The following CNKSR3 variants were observed in gnomAD, a reference collection of about 807,000 sequenced individuals.
CNKSR3 encodes connector enhancer of kinase suppressor of ras 3.
Under a neutral mutation model 67.7 loss-of-function variants are expected in CNKSR3, and 36 were observed. The ratio of observed to expected loss-of-function variants is 0.53; its 90% CI spans 0.41 to 0.70. CNKSR3 has a LOEUF of 0.70. CNKSR3 is among the 30% of genes least tolerant of loss of function. The probability of loss-of-function intolerance (pLI) is 0.00; values close to 1 mark genes in which losing one functional copy is unlikely to be tolerated. For synonymous variants in CNKSR3, 281 were observed against 271.4 expected (o/e 1.04, Z -0.35); for missense variants, 630 against 695.2 (o/e 0.91, Z 1.05).
chr6:154,414,389 T>C lies in CNKSR3; in HGVS notation c.980A>G (p.Glu327Gly), dbSNP rs1369722295. 1 of 1,608,366 alleles carries C rather than the reference T, an allele frequency of 6.2e-7. No individual in the cohort carries two copies. Among genetic ancestry groups the C allele is most frequent in the Non-Finnish European group, 8.5e-7 (1 of 1,178,262 alleles). The change falls in exon 10 of 13, where the codon GAA (glutamate) becomes GGA (glycine). Residue 327 changes from glutamate (E) to glycine (G), a missense_variant. Glu to Gly is a moderately conservative substitution (Grantham distance 98, BLOSUM62 -2). Coordinates refer to ENST00000607772, the MANE Select transcript of CNKSR3 (RefSeq NM_173515.4). ...SPPPATTQSP[E>G]STMDTSLKKE... The stretch of plus-strand genomic sequence containing the variant: ...CTTCAGTGAGGTATCCATAGTGCTT[T>C]CAGGGGACTGGGTTGTCGCGGGTGG...
At chr6:154,483,849 G>A (rs1298164629) in intron 1 of CNKSR3, among the ~76,000 whole-genome samples, 6 of 152,168 alleles carry the variant, frequency 3.9e-5, no homozygotes, top group Non-Finnish European at 5.9e-5. Context: ...CTCCTCACCA[G>A]TGGATCCTCC....
chr6:154,509,164 T>C (rs539854973), intron 1 of CNKSR3, among the ~76,000 whole-genome samples: 101 of 152,250 alleles, frequency 6.6e-4, no homozygotes, highest in African/African-American at 2.3e-3. Flanking sequence ...ATACAGATTG[T>C]TCTTGGTGGA....
At chr6:154,420,077 C>T (rs1352089083) in intron 9 of CNKSR3, among the ~76,000 whole-genome samples, 2 of 151,808 alleles carry the variant, frequency 1.3e-5, no homozygotes, top group Non-Finnish European at 2.9e-5. Context: ...AGTGAAACTC[C>T]GTCTCAAACC....
intron 10 of CNKSR3, among the ~76,000 whole-genome samples, 200 bp from the exon 11 acceptor site, chr6:154,411,342 G>A (rs1386584133): frequency 6.6e-6 from 1 of 152,070 alleles, no homozygotes; most frequent in Non-Finnish European, 1.5e-5. Flanking sequence ...ATACCATGAC[G>A]TGATGAAATA....
rs1223305870 is a variant in CNKSR3, at chr6:154,500,746, C to T, written c.52+9317G>A. 2.0e-5 allele frequency among the ~76,000 whole-genome samples: 3 copies of T among 152,198 alleles called. No individual in the cohort carries two copies. In the South Asian group the frequency reaches 6.2e-4, roughly 31 times the overall value. On this transcript the variant is annotated intron_variant, in intron 1 of 12. Coordinates refer to ENST00000607772, the MANE Select transcript of CNKSR3 (RefSeq NM_173515.4). ...TAAGTCAGATACACCAGTTTCTTTA[C>T]TCAAATACTTTAAAAGTTTTCACAT...
chr6:154,483,592 T>G (rs1361866882), intron 1 of CNKSR3, among the ~76,000 whole-genome samples: 1 of 152,180 alleles, frequency 6.6e-6, no homozygotes, highest in African/African-American at 2.4e-5. Context: ...CTTTACTGCT[T>G]TTTGTGGAGC....
chr6:154,502,318 A>G (rs1215825780), intron 1 of CNKSR3, among the ~76,000 whole-genome samples: 2 of 150,350 alleles, frequency 1.3e-5, no homozygotes, highest in Admixed American at 1.3e-4. Flanking sequence ...CAGTCTCCTG[A>G]GTAGCTGGGA....
intron 1 of CNKSR3, among the ~76,000 whole-genome samples, chr6:154,494,481 T>C (rs376352923): frequency 1.4e-4 from 21 of 152,258 alleles, no homozygotes; most frequent in African/African-American, 4.6e-4. Context: ...CATGAGAAAT[T>C]AGCAAGTTTT....
intron 1 of CNKSR3, among the ~76,000 whole-genome samples, chr6:154,466,354 G>A (rs1786198488): frequency 6.6e-6 from 1 of 152,146 alleles, no homozygotes; most frequent in Non-Finnish European, 1.5e-5. Flanking sequence ...GTACGGACTT[G>A]TGTTTCACCA....
intron 5 of CNKSR3, among the ~76,000 whole-genome samples, chr6:154,432,234 T>C (rs1484283488): frequency 6.6e-6 from 1 of 152,234 alleles, no homozygotes; most frequent in Non-Finnish European, 1.5e-5. Context: ...ATTGTTGTTT[T>C]AATTTACAAT....
Position 154,433,360 on chromosome 6 carries a change from T to C in CNKSR3, c.549+106A>G, listed in dbSNP as rs972515153. 2.1e-5 allele frequency: 16 copies of C among 778,862 alleles called. No individual in the cohort carries two copies. The East Asian group carries it at 2.2e-4, about 11-fold the overall frequency. The allele number at this position is 778,862 out of a possible 1,614,324, so 48.2% of individuals were successfully genotyped here. A position where few individuals can be genotyped will look rare whatever the true frequency, so the allele number is the denominator to read the frequency against. The stretch of plus-strand genomic sequence containing the variant: ...AAAACTCATGTCCCAAAAGCCAATA[T>C]TTCAAAGTATCTCCTGAAGTAATTA... On this transcript the variant is annotated intron_variant, in intron 5 of 12. Transcript: ENST00000607772.
In CNKSR3 at chr6:154,405,618, T is replaced by G. The variant is rs1044085761; in HGVS notation, c.*736A>C. The G allele has an allele frequency of 2.0e-5, 3 of 152,270 alleles. No homozygotes were observed. Among genetic ancestry groups the G allele is most frequent in the Non-Finnish European group, 4.4e-5 (3 of 68,054 alleles). The allele number at this position is 152,270 out of a possible 1,614,324, so 9.4% of individuals were successfully genotyped here. A position where few individuals can be genotyped will look rare whatever the true frequency, so the allele number is the denominator to read the frequency against. Reference sequence around the variant, plus strand: ...TCACTTTTCTAAATGATACTTTGGCTGTCAGCGAATCTTATAGCTTCTTTT... The same window carrying G: ...TCACTTTTCTAAATGATACTTTGGCGGTCAGCGAATCTTATAGCTTCTTTT... On this transcript the variant is annotated 3_prime_UTR_variant, in exon 13 of 13. Transcript: ENST00000607772.
At chr6:154,408,671 T>C (rs1403483573) in intron 12 of CNKSR3, among the ~76,000 whole-genome samples, 3 of 152,200 alleles carry the variant, frequency 2.0e-5, no homozygotes, top group Admixed American at 6.5e-5. Context: ...AGGTTTCTTT[T>C]TGGAGTGACA....
chr6:154,407,440 C>A (rs1182686590), intron 12 of CNKSR3, among the ~76,000 whole-genome samples: 1 of 152,150 alleles, frequency 6.6e-6, no homozygotes, highest in African/African-American at 2.4e-5. Flanking sequence ...AGCGGAAATT[C>A]TACACCCCAA....
intron 1 of CNKSR3, among the ~76,000 whole-genome samples, chr6:154,496,296 G>A (rs1194975258): frequency 6.6e-6 from 1 of 152,188 alleles, no homozygotes; most frequent in Non-Finnish European, 1.5e-5. Context: ...GCTGTTTGAA[G>A]GTAATAGAGA....
At chr6:154,467,937 T>C (rs899871107) in intron 1 of CNKSR3, among the ~76,000 whole-genome samples, 1 of 151,892 alleles carries the variant, frequency 6.6e-6, no homozygotes, top group Non-Finnish European at 1.5e-5. Context: ...TTTTTGTACT[T>C]TTAGTAGAGA....
intron 1 of CNKSR3, chr6:154,478,501 C>T (rs960443523): frequency 1.3e-5 from 2 of 152,372 alleles, no homozygotes; most frequent in African/African-American, 4.8e-5. Flanking sequence ...TGTCTGACGC[C>T]TGAGCAAAGT....
At chr6:154,414,539 G>A (rs1584056122) in intron 9 of CNKSR3, 116 bp from the exon 10 acceptor site, 3 of 1,045,344 alleles carry the variant, frequency 2.9e-6, no homozygotes, top group South Asian at 1.4e-5. Flanking sequence ...CAGGGACTGA[G>A]GTCATTCATG....
chr6:154,423,013 T>G (rs1315169615), intron 7 of CNKSR3, 30 bp from the exon 8 acceptor site: 1 of 1,449,000 alleles, frequency 6.9e-7, no homozygotes, highest in African/African-American at 1.4e-5. Context: ...CCTGCCTTAA[T>G]TCTTTTAAAC....
Sources: gnomAD v4.1 joint callset for allele counts (sites outside exome capture counted in the v4.1 genomes callset) on GRCh38, gnomAD v4.1.1 for gene constraint, MANE v1.5 for transcripts, NCBI Gene and HGNC (gene_info 2026-07-23, HGNC 2026-07-21) for gene names.